RBFOX1: variants seen among roughly 807,000 people sequenced by gnomAD.
RBFOX1 encodes the protein RNA binding protein fox-1 homolog 1.
Under a neutral mutation model 57.7 loss-of-function variants are expected in RBFOX1, and 8 were observed. The observed-to-expected ratio is 0.14, with a 90% CI of 0.08 to 0.25. The LOEUF is 0.25. Ranked by LOEUF, RBFOX1 falls within the 10% of genes least tolerant of loss-of-function variation. The pLI, the probability that RBFOX1 is intolerant of heterozygous loss-of-function variation, is 1.00. For synonymous variants in RBFOX1, 326 were observed against 222.4 expected (o/e 1.47, Z -4.15); for missense variants, 611 against 548.5 (o/e 1.11, Z -1.14).
At chr16:7,662,539 C>T (rs897082288) in intron 12 of RBFOX1, among the ~76,000 whole-genome samples, 1 of 152,140 alleles carries the variant, frequency 6.6e-6, no homozygotes, top group Non-Finnish European at 1.5e-5. Flanking sequence ...AGGTAACAAG[C>T]AGTGTGTCAG....
At chr16:6,140,737 T>A (rs2096709357) in intron 1 of RBFOX1, among the ~76,000 whole-genome samples, 1 of 152,228 alleles carries the variant, frequency 6.6e-6, no homozygotes, top group African/African-American at 2.4e-5. Flanking sequence ...TCTTCCCTTC[T>A]GGCCCAGGAG....
intron 1 of RBFOX1, among the ~76,000 whole-genome samples, chr16:5,379,748 C>T (rs1012932268): frequency 6.6e-6 from 1 of 152,188 alleles, no homozygotes; most frequent in African/African-American, 2.4e-5. Context: ...TTTATCTCCC[C>T]CTCTGAACAA....
intron 3 of RBFOX1, among the ~76,000 whole-genome samples, chr16:5,700,666 G>T (rs570185897): frequency 6.6e-6 from 1 of 152,286 alleles, no homozygotes; most frequent in East Asian, 1.9e-4. Flanking sequence ...AATTTCTTCA[G>T]TTCTGTTATT....
At chr16:6,571,437 G>C (rs2097343475) in intron 2 of RBFOX1, among the ~76,000 whole-genome samples, 1 of 152,174 alleles carries the variant, frequency 6.6e-6, no homozygotes, top group South Asian at 2.1e-4. Context: ...CCAGTGCTCG[G>C]AGTGATTTTT....
downstream of RBFOX1, among the ~76,000 whole-genome samples, chr16:5,603,603 C>T (rs547757398): frequency 6.6e-6 from 1 of 152,346 alleles, no homozygotes; most frequent in Non-Finnish European, 1.5e-5. Flanking sequence ...ACCAATCTTT[C>T]TGCCCCTCGA....
At chr16:6,892,083 TC>T (rs2065574590) in intron 3 of RBFOX1, among the ~76,000 whole-genome samples, 1 of 152,128 alleles carries the variant, frequency 6.6e-6, no homozygotes, top group African/African-American at 2.4e-5. Flanking sequence ...AGATCCCATT[TC>T]TTAGTTTCCT....
intron 1 of RBFOX1, among the ~76,000 whole-genome samples, chr16:5,281,008 C>T (rs1010170150): frequency 1.1e-4 from 16 of 151,808 alleles, no homozygotes; most frequent in African/African-American, 3.9e-4. Flanking sequence ...TTTTGAGTTC[C>T]TTGAGGTGCA....
chr16:6,540,598 C>A (rs530827252), intron 2 of RBFOX1, among the ~76,000 whole-genome samples: 14 of 107,322 alleles, frequency 1.3e-4, no homozygotes, highest in African/African-American at 5.2e-4. Flanking sequence ...GGCAACAGAG[C>A]GAGACTCTGT....
At chr16:7,172,741 G>T (rs1019360412) in intron 4 of RBFOX1, among the ~76,000 whole-genome samples, 2 of 152,184 alleles carry the variant, frequency 1.3e-5, no homozygotes, top group Non-Finnish European at 2.9e-5. Flanking sequence ...TGGGGGCTCA[G>T]GTGGCAGACA....
chr16:6,906,336 G>T (rs770249784), intron 3 of RBFOX1, among the ~76,000 whole-genome samples: 2 of 151,902 alleles, frequency 1.3e-5, no homozygotes, highest in Non-Finnish European at 2.9e-5. Flanking sequence ...TGTGTCTCAG[G>T]CACTACCTAA....
At chr16:6,098,504 C>G (rs537230633) in intron 1 of RBFOX1, among the ~76,000 whole-genome samples, 1 of 152,310 alleles carries the variant, frequency 6.6e-6, no homozygotes, top group East Asian at 1.9e-4. Flanking sequence ...TTTTGAGTTC[C>G]TTGTAAGTTG....
intron 3 of RBFOX1, among the ~76,000 whole-genome samples, chr16:6,854,226 C>CA (rs2057376219): frequency 6.6e-6 from 1 of 152,100 alleles, no homozygotes; most frequent in Non-Finnish European, 1.5e-5. Context: ...CACTGAGTTC[C>CA]ATTAACACGG....
At chr16:6,971,620 G>C (rs970621084) in intron 3 of RBFOX1, among the ~76,000 whole-genome samples, 1 of 152,028 alleles carries the variant, frequency 6.6e-6, no homozygotes, top group African/African-American at 2.4e-5. Context: ...GTACTGATTG[G>C]GGGCGGAGAA....
At chr16:7,129,132 A>C (rs1371478216) in intron 4 of RBFOX1, among the ~76,000 whole-genome samples, 1 of 152,098 alleles carries the variant, frequency 6.6e-6, no homozygotes, top group Non-Finnish European at 1.5e-5. Context: ...AAGGTAATTA[A>C]ACTTGCCCAA....
chr16:7,360,737 C>T (rs180719677), intron 4 of RBFOX1, among the ~76,000 whole-genome samples: 1 of 152,350 alleles, frequency 6.6e-6, no homozygotes, highest in East Asian at 1.9e-4. Flanking sequence ...CAATGTCCCA[C>T]ACACTGGGAT....
Position 5,565,988 on chromosome 16 carries a change from C to A in RBFOX1, c.259-32914C>A, listed in dbSNP as rs55652433. ...TGTTCTCATGGTAGTGAATAAGTCT[C>A]CTGAGATCTGATGATTTTATAAGAG... On this transcript the variant is annotated intron_variant, in intron 2 of 2. Transcript: ENST00000585867. Among the ~76,000 whole-genome samples, 891 of 152,216 alleles carry A rather than the reference C, an allele frequency of 5.9e-3. 10 individuals carry two copies. Among genetic ancestry groups the A allele is most frequent in the African/African-American group, 0.021 (861 of 41,528 alleles).
At chr16:7,618,819 G>T (rs1185878299) in intron 10 of RBFOX1, among the ~76,000 whole-genome samples, 1 of 152,146 alleles carries the variant, frequency 6.6e-6, no homozygotes, top group Non-Finnish European at 1.5e-5. Context: ...CCTACTTTGA[G>T]TAACTTCATC....
At chr16:6,167,958 C>T (rs982038186) in intron 1 of RBFOX1, among the ~76,000 whole-genome samples, 2 of 152,304 alleles carry the variant, frequency 1.3e-5, no homozygotes, top group African/African-American at 4.8e-5. Context: ...ATAAACTCCA[C>T]CCATGGCAAA....
chr16:6,663,035 G>T (rs2098711016), intron 3 of RBFOX1, among the ~76,000 whole-genome samples: 1 of 152,154 alleles, frequency 6.6e-6, no homozygotes, highest in Non-Finnish European at 1.5e-5. Flanking sequence ...TTTCTTGTTT[G>T]CATTTTGTAA....
Sources: allele counts gnomAD v4.1 joint callset (sites outside exome capture counted in the v4.1 genomes callset), GRCh38; gene constraint gnomAD v4.1.1; transcripts MANE v1.5; gene names NCBI Gene and HGNC (gene_info 2026-07-23, HGNC 2026-07-21).